The following TMEM131 variants were observed in gnomAD, a reference collection of about 807,000 sequenced individuals.
TMEM131 encodes the protein transmembrane protein 131, also known as 2610524E03Rik.
Under a neutral mutation model 211.6 loss-of-function variants are expected in TMEM131, and 66 were observed. The observed-to-expected ratio is 0.31, with a 90% CI of 0.26 to 0.38. The LOEUF is 0.38. Ranked by LOEUF, TMEM131 falls within the 10% of genes least tolerant of loss-of-function variation. TMEM131 has a pLI of 1.00. For missense variants in TMEM131, 2,036 were observed against 2,299.3 expected, an observed-to-expected ratio of 0.89 and a Z score of 2.34; for synonymous variants, 844 against 841.3, an observed-to-expected ratio of 1.00 and a Z score of -0.06.
chr2:97,838,014 A>G (rs1360546293), intron 7 of TMEM131, among the ~76,000 whole-genome samples: 1 of 152,180 alleles, frequency 6.6e-6, no homozygotes, highest in Non-Finnish European at 1.5e-5. Context: ...CTTTTGCTCA[A>G]TGCAATTATT....
intron 36 of TMEM131, 173 bp from the exon 37 acceptor site, chr2:97,761,087 C>T: frequency 1.3e-6 from 1 of 760,776 alleles, no homozygotes; most frequent in South Asian, 1.8e-5. Flanking sequence ...CTTAATCAGA[C>T]AGAGATAGAG....
intron 1 of TMEM131, among the ~76,000 whole-genome samples, chr2:97,978,088 G>A (rs1001495899): frequency 5.9e-5 from 9 of 151,630 alleles, no homozygotes; most frequent in Non-Finnish European, 1.3e-4. Flanking sequence ...CTCGGTCTTG[G>A]GGAAAAAAAT....
At chr2:97,982,410 C>T (rs1679838836) in intron 1 of TMEM131, among the ~76,000 whole-genome samples, 1 of 152,154 alleles carries the variant, frequency 6.6e-6, no homozygotes. Flanking sequence ...ATTCTAGATA[C>T]ATATCCCTTT....
Position 97,837,057 on chromosome 2 carries a change from A to G in TMEM131, c.804+20T>C, listed in dbSNP as rs770709428. 6.2e-7 allele frequency: 1 copy of G among 1,608,372 alleles called. No individual in the cohort carries two copies. Among genetic ancestry groups the G allele is most frequent in the East Asian group, 2.2e-5 (1 of 44,744 alleles). ...GGTTTCATGGGAGCACACACAAGAG[A>G]AAACTAGGTTACAACTCACCCACAG... On this transcript the variant is annotated intron_variant, in intron 8 of 40. Coordinates refer to ENST00000186436, the MANE Select transcript of TMEM131 (RefSeq NM_015348.2).
chr2:97,837,281 C>T (rs991758905), intron 7 of TMEM131, 124 bp from the exon 8 acceptor site: 28 of 646,802 alleles, frequency 4.3e-5, no homozygotes, highest in South Asian at 1.8e-4. Flanking sequence ...AAGATATAAA[C>T]GTAGGATATG....
intron 5 of TMEM131, among the ~76,000 whole-genome samples, chr2:97,848,714 GA>G (rs981123387): frequency 3.4e-5 from 5 of 148,758 alleles, no homozygotes; most frequent in African/African-American, 7.4e-5. Context: ...GTACTTCTAG[GA>G]AAAAAAAAGG....
intron 31 of TMEM131, among the ~76,000 whole-genome samples, chr2:97,782,213 C>T (rs985467442): frequency 2.6e-5 from 4 of 152,182 alleles, no homozygotes; most frequent in African/African-American, 9.7e-5. Context: ...GCAAAGACAA[C>T]ATGGGAACCA....
intron 1 of TMEM131, among the ~76,000 whole-genome samples, chr2:97,976,814 A>G (rs903660814): frequency 6.6e-6 from 1 of 152,214 alleles, no homozygotes; most frequent in East Asian, 1.9e-4. Flanking sequence ...TTAACAGAAC[A>G]AAAGAGAGAC....
At chr2:97,991,704 A>T (rs1328516329) in intron 1 of TMEM131, among the ~76,000 whole-genome samples, 1 of 152,234 alleles carries the variant, frequency 6.6e-6, no homozygotes, top group Non-Finnish European at 1.5e-5. Flanking sequence ...GGGAAAATTC[A>T]GCTGTAGGAA....
At chr2:97,759,107 A>G in intron 39 of TMEM131, 54 bp from the exon 40 acceptor site, 3 of 1,607,832 alleles carry the variant, frequency 1.9e-6, no homozygotes, top group East Asian at 2.2e-5. Context: ...CATGATCACT[A>G]TAGCATATGG....
chr2:97,944,761 A>T (rs528756517), intron 1 of TMEM131, among the ~76,000 whole-genome samples: 3 of 152,310 alleles, frequency 2.0e-5, no homozygotes, highest in African/African-American at 7.2e-5. Flanking sequence ...AAGCAAAACA[A>T]CATACTGCTT....
intron 5 of TMEM131, among the ~76,000 whole-genome samples, chr2:97,853,905 G>GA (rs1673732103): frequency 6.6e-6 from 1 of 152,224 alleles, no homozygotes; most frequent in Non-Finnish European, 1.5e-5. Context: ...TACTCCTAGT[G>GA]AAGATGCTGT....
chr2:97,803,944 T>C (rs1404733081), intron 22 of TMEM131, among the ~76,000 whole-genome samples: 1 of 152,226 alleles, frequency 6.6e-6, no homozygotes, highest in Non-Finnish European at 1.5e-5. Context: ...GCAAGTCCAT[T>C]AGAGGAAGTC....
At chr2:97,821,885 C>A (rs1256782116) in intron 11 of TMEM131, among the ~76,000 whole-genome samples, 1 of 152,172 alleles carries the variant, frequency 6.6e-6, no homozygotes, top group African/African-American at 2.4e-5. Flanking sequence ...GAACCATCTT[C>A]CACTTTTCCT....
At chr2:97,805,850 G>T in intron 19 of TMEM131, 147 bp from the exon 20 acceptor site, 1 of 802,126 alleles carries the variant, frequency 1.2e-6, no homozygotes, top group Non-Finnish European at 1.8e-6. Flanking sequence ...TCTTTAAATT[G>T]TAATCAACAG....
intron 1 of TMEM131, among the ~76,000 whole-genome samples, chr2:97,951,153 C>T (rs1268249888): frequency 6.6e-6 from 1 of 152,088 alleles, no homozygotes; most frequent in East Asian, 1.9e-4. Flanking sequence ...AAAAAAAATC[C>T]CTTTAAGTGA....
chr2:97,816,545 C>T (rs1309198334), intron 12 of TMEM131, among the ~76,000 whole-genome samples: 1 of 152,042 alleles, frequency 6.6e-6, no homozygotes, highest in Non-Finnish European at 1.5e-5. Context: ...GTCATCCAAC[C>T]TCATGACAAA....
At chr2:97,907,403 GTCC>G (rs897530051) in intron 3 of TMEM131, among the ~76,000 whole-genome samples, 2 of 152,298 alleles carry the variant, frequency 1.3e-5, no homozygotes, top group African/African-American at 4.8e-5. Context: ...AGTTTTAATT[GTCC>G]TCCTAATAGT....
chr2:97,795,087 C>T lies in TMEM131; in HGVS notation c.3229G>A (p.Val1077Ile). The T allele has an allele frequency of 6.2e-7, 1 of 1,612,926 alleles. No individual in the cohort carries two copies. The highest frequency in any genetic ancestry group is 8.5e-7 in the Non-Finnish European group (1 of 1,179,476). ...LFTPDFTASR[V>I]IRELKFITTS... ...GTTATAAACTTCAGTTCCCGAATAA[C>T]TCTAGAAGCTGTAAAATCAGGAGTA... Residue 1077 changes from valine to isoleucine, a missense_variant, in exon 29 of 41, where the codon GTT becomes ATT. Val to Ile is a conservative substitution (Grantham distance 29, BLOSUM62 3). Coordinates refer to ENST00000186436, the MANE Select transcript of TMEM131 (RefSeq NM_015348.2).
Sources: allele counts gnomAD v4.1 joint callset (sites outside exome capture counted in the v4.1 genomes callset), GRCh38; gene constraint gnomAD v4.1.1; transcripts MANE v1.5; gene names NCBI Gene and HGNC (gene_info 2026-07-23, HGNC 2026-07-21).